Variants in ESR1 observed in about 807,000 individuals in gnomAD.
ESR1 encodes the protein estrogen receptor.
A neutral mutation model predicts 52.7 loss-of-function variants in ESR1; 12 were observed. The observed-to-expected ratio is 0.23, with a 90% CI of 0.15 to 0.37. ESR1 has a LOEUF of 0.37. Among genes scored for constraint, ESR1 ranks in the 10% least tolerant of loss-of-function variants. ESR1 has a pLI of 1.00. For synonymous variants in ESR1, 305 were observed against 316.8 expected (o/e 0.96, Z 0.39); for missense variants, 584 against 779.7 (o/e 0.75, Z 2.99).
At chr6:151,703,311 G>A (rs1779934556) in intron 2 of ESR1, among the ~76,000 whole-genome samples, 1 of 152,212 alleles carries the variant, frequency 6.6e-6, no homozygotes, top group Non-Finnish European at 1.5e-5. Flanking sequence ...CCTCAAAACA[G>A]CTGCAGGACT....
chr6:151,982,446 AGTAG>A (rs2040080514), intron 4 of ESR1, among the ~76,000 whole-genome samples: 1 of 152,182 alleles, frequency 6.6e-6, no homozygotes, highest in Non-Finnish European at 1.5e-5. Flanking sequence ...TAAATTTTCT[AGTAG>A]CCACATTAAA....
chr6:151,926,017 A>G (rs9397456), intron 3 of ESR1, among the ~76,000 whole-genome samples: 119,958 of 152,064 alleles, frequency 0.79, 47,924 homozygotes, highest in African/African-American at 0.9. Context: ...TTTCCACATC[A>G]ATGTCCAGTT....
chr6:152,112,237 G>T (rs2051154519), intron 6 of ESR1, among the ~76,000 whole-genome samples: 1 of 152,088 alleles, frequency 6.6e-6, no homozygotes, highest in Non-Finnish European at 1.5e-5. Flanking sequence ...CTTTGATCTA[G>T]GTTTAAAAAA....
intron 4 of ESR1, among the ~76,000 whole-genome samples, chr6:151,963,061 C>G (rs909328173): frequency 4.6e-5 from 7 of 152,098 alleles, no homozygotes. Context: ...TATCTCTTCT[C>G]TCTAGACTTC....
intron 3 of ESR1, among the ~76,000 whole-genome samples, chr6:151,923,806 A>G (rs372159370): frequency 2.6e-5 from 4 of 152,152 alleles, no homozygotes; most frequent in South Asian, 4.1e-4. Flanking sequence ...TGTATTTTCA[A>G]ATTAGTTGGG....
chr6:151,884,700 T>A (rs867881490), intron 3 of ESR1, among the ~76,000 whole-genome samples: 1 of 152,202 alleles, frequency 6.6e-6, no homozygotes, highest in Non-Finnish European at 1.5e-5. Context: ...ATCATGGTAG[T>A]TCTATAAGAT....
intron 2 of ESR1, among the ~76,000 whole-genome samples, chr6:151,740,060 A>G (rs1782965346): frequency 6.6e-6 from 1 of 152,054 alleles, no homozygotes; most frequent in Non-Finnish European, 1.5e-5. Flanking sequence ...TCCCCTATGT[A>G]TATTGAAACA....
At chr6:151,902,023 T>A (rs1584089572) in intron 3 of ESR1, among the ~76,000 whole-genome samples, 1 of 152,342 alleles carries the variant, frequency 6.6e-6, no homozygotes. Context: ...AGTTTTATTT[T>A]GAAAATTTTA....
intron 6 of ESR1, among the ~76,000 whole-genome samples, chr6:152,064,349 TC>T (rs2047795897): frequency 6.6e-6 from 1 of 152,234 alleles, no homozygotes; most frequent in African/African-American, 2.4e-5. Flanking sequence ...GCCCACAGTA[TC>T]CCCTCTGCCC....
At chr6:152,055,571 C>G (rs1399018952) in intron 5 of ESR1, among the ~76,000 whole-genome samples, 1 of 152,206 alleles carries the variant, frequency 6.6e-6, no homozygotes, top group Non-Finnish European at 1.5e-5. Context: ...TGGCCAAAAA[C>G]TGTTGGTTCT....
At chr6:151,676,076 A>T in intron 1 of ESR1, among the ~76,000 whole-genome samples, 1 of 152,218 alleles carries the variant, frequency 6.6e-6, no homozygotes, top group Admixed American at 6.5e-5. Context: ...CATAAAGATG[A>T]GACTGCAGAG....
chr6:152,029,932 C>A (rs934832784), intron 5 of ESR1, among the ~76,000 whole-genome samples: 1 of 152,220 alleles, frequency 6.6e-6, no homozygotes, highest in Non-Finnish European at 1.5e-5. Context: ...ATCAGACTAA[C>A]AGCGGATCTC....
At position 152,006,725 on chromosome 6, in the gene ESR1, C is replaced by T. The variant is rs189514526; in HGVS notation, c.1097-4931C>T. ...AACTCTTCTTCTATTGAGTGAAAAG[C>T]CAATACAGAAAAAAAAATGCAACAG... On this transcript the variant is annotated intron_variant, in intron 4 of 7. Transcript: ENST00000206249. Among the ~76,000 whole-genome samples, 470 of 151,816 alleles carry T rather than the reference C, an allele frequency of 3.1e-3. 6 individuals carry two copies. The highest frequency in any genetic ancestry group is 0.011 in the African/African-American group (444 of 41,426).
intron 6 of ESR1, among the ~76,000 whole-genome samples, chr6:152,109,428 G>A (rs963298096): frequency 4.6e-5 from 7 of 151,980 alleles, no homozygotes; most frequent in African/African-American, 1.7e-4. Context: ...CACTTTGAGA[G>A]GCCAAGGCGG....
At chr6:151,944,590 A>G (rs2035486490) in intron 4 of ESR1, 82 bp downstream of exon 4, 1 of 1,247,220 alleles carries the variant, frequency 8.0e-7, no homozygotes. Context: ...TAGTGGGGGA[A>G]AAAGAAGCAA....
At chr6:151,868,091 T>C (rs1327739685) in intron 2 of ESR1, among the ~76,000 whole-genome samples, 2 of 46,572 alleles carry the variant, frequency 4.3e-5, no homozygotes, top group East Asian at 1.2e-3. Context: ...GATAGTTTTT[T>C]GTACCCAATG....
At chr6:151,723,714 C>A (rs879931190) in intron 2 of ESR1, among the ~76,000 whole-genome samples, 1 of 151,968 alleles carries the variant, frequency 6.6e-6, no homozygotes, top group African/African-American at 2.4e-5. Context: ...ACTAAAAATA[C>A]AAAAATTAGC....
intron 5 of ESR1, among the ~76,000 whole-genome samples, chr6:152,027,011 G>A (rs1266710890): frequency 1.3e-5 from 2 of 151,478 alleles, no homozygotes; most frequent in Non-Finnish European, 2.9e-5. Context: ...TTGTTGCCCA[G>A]GTTGGAGTGC....
chr6:152,040,687 T>C (rs1406748784), intron 5 of ESR1, among the ~76,000 whole-genome samples: 1 of 152,208 alleles, frequency 6.6e-6, no homozygotes, highest in Non-Finnish European at 1.5e-5. Flanking sequence ...AGGGATGTCC[T>C]AGAAAGGGGC....
Sources: allele counts gnomAD v4.1 joint callset (sites outside exome capture counted in the v4.1 genomes callset), GRCh38; gene constraint gnomAD v4.1.1; transcripts MANE v1.5; gene names NCBI Gene and HGNC (gene_info 2026-07-23, HGNC 2026-07-21).